SS18: variants seen among roughly 807,000 people sequenced by gnomAD.
SS18 encodes the protein SS18 subunit of BAF chromatin remodeling complex, also known as protein SSXT.
A neutral mutation model predicts 72.5 loss-of-function variants in SS18; 28 were observed. The ratio of observed to expected loss-of-function variants is 0.39; its 90% CI spans 0.29 to 0.53. SS18 has a LOEUF of 0.53. SS18 is among the 20% of genes least tolerant of loss of function. The probability of loss-of-function intolerance (pLI) is 0.76; values close to 1 mark genes in which losing one functional copy is unlikely to be tolerated. For synonymous variants in SS18, 172 were observed against 164.2 expected, an observed-to-expected ratio of 1.05 and a Z score of -0.37; for missense variants, 518 against 535.3, an observed-to-expected ratio of 0.97 and a Z score of 0.32.
At chr18:26,030,081 A>G (rs745837543) in intron 10 of SS18, among the ~76,000 whole-genome samples, 7 of 152,218 alleles carry the variant, frequency 4.6e-5, no homozygotes, top group Non-Finnish European at 1.0e-4. Context: ...TATCATAGCT[A>G]CCAAGTGCTA....
chr18:26,081,161 T>C (rs2054515010), intron 2 of SS18: 1 of 151,676 alleles, frequency 6.6e-6, no homozygotes, highest in Admixed American at 6.6e-5. Flanking sequence ...TTCTGTAAAA[T>C]TGCATTATTT....
chr18:26,040,557 A>G lies in SS18; in HGVS notation c.608-1101T>C, dbSNP rs188679868. On this transcript the variant is annotated intron_variant, in intron 5 of 10. Coordinates refer to ENST00000415083, the MANE Select transcript of SS18 (RefSeq NM_001007559.3). ...AGATGAAACTGCCCAAATGAGCCAA[A>G]AGTTCACTATTAAATTACTTAACAA... 1.2e-3 allele frequency among the ~76,000 whole-genome samples: 180 copies of G among 152,318 alleles called. 1 individual carries two copies. The highest frequency in any genetic ancestry group is 4.3e-3 in the African/African-American group (177 of 41,570).
intron 2 of SS18, chr18:26,083,922 G>T (rs1237799109): frequency 6.6e-6 from 1 of 151,960 alleles, no homozygotes; most frequent in Non-Finnish European, 1.5e-5. Context: ...ATATGTAATG[G>T]AAACAATCAT....
chr18:26,020,849 T>G (rs1341591224), intron 10 of SS18, among the ~76,000 whole-genome samples: 1 of 151,922 alleles, frequency 6.6e-6, no homozygotes, highest in Non-Finnish European at 1.5e-5. Context: ...ATAGAAGAAA[T>G]AGCTGAAACA....
rs1451225838 is a variant in SS18, at chr18:26,016,794, A to T, written c.*1560T>A. The T allele has an allele frequency of 1.3e-5, 3 of 230,810 alleles. No individual in the cohort carries two copies. The highest frequency in any genetic ancestry group is 6.1e-5 in the East Asian group (1 of 16,308). 14.3% of individuals were successfully genotyped at this position (230,810 alleles called of 1,614,324 possible). A position where few individuals can be genotyped will look rare whatever the true frequency, so the allele number is the denominator to read the frequency against. ...CTGACCTTGAAACACACAAACACAC[A>T]CTCTCTCTCTCATACACACACAGAG... On this transcript the variant is annotated 3_prime_UTR_variant, in exon 11 of 11. Transcript: ENST00000415083.
chr18:26,052,679 T>C lies in SS18; in HGVS notation c.552A>G (p.Gly184=), dbSNP rs571611901. 1 of 1,614,190 alleles carries C rather than the reference T, an allele frequency of 6.2e-7. No individual in the cohort carries two copies. The highest frequency in any genetic ancestry group is 2.2e-5 in the East Asian group (1 of 44,880). ...TGGGACCATAGTTTCCCATTGGTTG[T>C]CCCTGACTCATTGTCATCTGATTCT... ...PVQNQMTMSQ[G]QPMGNYGPRP... Residue 184 remains glycine, a synonymous_variant, in exon 5 of 11, where the codon GGA becomes GGG. Transcript: ENST00000415083.
At chr18:26,077,463 G>C (rs533273661) in intron 3 of SS18, among the ~76,000 whole-genome samples, 1 of 151,942 alleles carries the variant, frequency 6.6e-6, no homozygotes, top group Non-Finnish European at 1.5e-5. Context: ...AATAAATGAA[G>C]ATTTAAAAAG....
chr18:26,031,271 T>C (rs2053538128), intron 10 of SS18, among the ~76,000 whole-genome samples: 1 of 152,220 alleles, frequency 6.6e-6, no homozygotes, highest in Non-Finnish European at 1.5e-5. Context: ...ATGCTTTTTG[T>C]ATCTCCTTTG....
chr18:26,065,564 G>A (rs2054197157), intron 3 of SS18, among the ~76,000 whole-genome samples: 1 of 151,482 alleles, frequency 6.6e-6, no homozygotes, highest in Admixed American at 6.6e-5. Flanking sequence ...ACTTATACAA[G>A]AAAATATACA....
At chr18:26,075,967 C>A (rs996123691) in intron 3 of SS18, among the ~76,000 whole-genome samples, 4 of 151,568 alleles carry the variant, frequency 2.6e-5, no homozygotes, top group African/African-American at 9.7e-5. Flanking sequence ...AAAATGGCCT[C>A]AAAAAATATA....
chr18:26,079,987 C>A (rs1485348031), intron 2 of SS18, among the ~76,000 whole-genome samples: 1 of 151,960 alleles, frequency 6.6e-6, no homozygotes, highest in Non-Finnish European at 1.5e-5. Flanking sequence ...TTCTTGCTGA[C>A]CTTAAAATAA....
chr18:26,057,526 C>T (rs2054043073), intron 4 of SS18, 63 bp downstream of exon 4: 1 of 1,589,202 alleles, frequency 6.3e-7, no homozygotes. Flanking sequence ...ATCCCTTGAG[C>T]CCCCATGTCG....
At chr18:26,021,901 C>T (rs567880934) in intron 10 of SS18, among the ~76,000 whole-genome samples, 1 of 152,124 alleles carries the variant, frequency 6.6e-6, no homozygotes, top group Non-Finnish European at 1.5e-5. Flanking sequence ...GTCGAGTAGG[C>T]ATCTAATTTC....
intron 4 of SS18, among the ~76,000 whole-genome samples, chr18:26,056,457 G>T (rs1254756366): frequency 6.6e-6 from 1 of 152,124 alleles, no homozygotes; most frequent in Non-Finnish European, 1.5e-5. Flanking sequence ...CTCCATACTG[G>T]ATGTGTGCCA....
At chr18:26,083,951 A>G (rs557409130) in intron 2 of SS18, 1 of 152,298 alleles carries the variant, frequency 6.6e-6, no homozygotes, top group East Asian at 1.9e-4. Flanking sequence ...CAAAACATAC[A>G]AGAGATTGAA....
chr18:26,041,360 G>T (rs28627563), intron 5 of SS18, among the ~76,000 whole-genome samples: 9,528 of 152,206 alleles, frequency 0.063, 824 homozygotes, highest in African/African-American at 0.2. Flanking sequence ...GGAGGCAGAG[G>T]TTGCAGTAAG....
intron 2 of SS18, 187 bp from the exon 3 acceptor site, chr18:26,078,347 G>A (rs2054454643): frequency 2.1e-6 from 1 of 484,126 alleles, no homozygotes; most frequent in Non-Finnish European, 3.6e-6. Context: ...TGAGCTCAGA[G>A]ATCTTGCCAT....
intron 5 of SS18, among the ~76,000 whole-genome samples, chr18:26,045,491 A>G (rs1284924961): frequency 6.6e-6 from 1 of 151,966 alleles, no homozygotes; most frequent in Non-Finnish European, 1.5e-5. Flanking sequence ...TCTGCTCACC[A>G]CCCTAAAATG....
rs780974644 is a variant in SS18 at position 26,032,483 on chromosome 18, T to A, written c.1146A>T (p.Gly382=). Residue 382 remains glycine, a synonymous_variant, in exon 10 of 11, where the codon GGA becomes GGT. Coordinates refer to ENST00000415083, the MANE Select transcript of SS18 (RefSeq NM_001007559.3). ...PGPQYPNYPQ[G]QGQQYGGYRP... Reference sequence around the variant, plus strand: ...TATATCCTCCATACTGCTGACCTTGTCCCTGTGGGTAGTTAGGATACTGAG... The same window carrying A: ...TATATCCTCCATACTGCTGACCTTGACCCTGTGGGTAGTTAGGATACTGAG... 1.2e-6 allele frequency: 2 copies of A among 1,613,886 alleles called. No homozygotes were observed. The highest frequency in any genetic ancestry group is 1.7e-6 in the Non-Finnish European group (2 of 1,179,854).
Sources: gnomAD v4.1 joint callset for allele counts (sites outside exome capture counted in the v4.1 genomes callset) on GRCh38, gnomAD v4.1.1 for gene constraint, MANE v1.5 for transcripts, NCBI Gene and HGNC (gene_info 2026-07-23, HGNC 2026-07-21) for gene names.